AFG2A: variants seen among roughly 807,000 people sequenced by gnomAD.
AFG2A encodes the protein AAA ATPase AFG2A, also known as ATPase family gene 2 protein homolog A.
the AFG2A span, among the ~76,000 whole-genome samples, chr4:122,993,904 T>G: frequency 6.6e-6 from 1 of 152,076 alleles, no homozygotes; most frequent in Non-Finnish European, 1.5e-5. Context: ...GCCATTACTT[T>G]TAATGGATTT....
At chr4:123,029,679 C>T in the AFG2A span, among the ~76,000 whole-genome samples, 4 of 152,220 alleles carry the variant, frequency 2.6e-5, no homozygotes, top group South Asian at 8.3e-4. Context: ...ACTCTGTGGC[C>T]TAGGCTGAAG....
chr4:123,176,129 A>G, the AFG2A span, among the ~76,000 whole-genome samples: 75,883 of 152,016 alleles, frequency 0.5, 23,420 homozygotes, highest in Non-Finnish European at 0.67. Flanking sequence ...TAATGGTGTA[A>G]TTGGTAAAGA....
At chr4:122,961,828 G>T in the AFG2A span, among the ~76,000 whole-genome samples, 2 of 152,134 alleles carry the variant, frequency 1.3e-5, no homozygotes. Flanking sequence ...CTGAACTTTG[G>T]GTCATCCCAG....
chr4:123,105,929 ACAG>A, the AFG2A span, among the ~76,000 whole-genome samples: 2 of 152,252 alleles, frequency 1.3e-5, no homozygotes, highest in African/African-American at 4.8e-5. Flanking sequence ...AGTTGTTAAA[ACAG>A]CAGGGTTTGA....
At chr4:123,082,138 G>T in the AFG2A span, among the ~76,000 whole-genome samples, 5 of 151,992 alleles carry the variant, frequency 3.3e-5, no homozygotes, top group African/African-American at 1.2e-4. Flanking sequence ...TTTTAATAAT[G>T]GCCAGCTTAT....
At chr4:122,956,527 AGT>A in the AFG2A span, among the ~76,000 whole-genome samples, 3 of 4,022 alleles carry the variant, frequency 7.5e-4, no homozygotes, top group Non-Finnish European at 1.1e-3. Context: ...CAGTTGATAA[AGT>A]AAGGAGAGCA....
chr4:123,084,918 A>ACAGGCCGG, the AFG2A span, among the ~76,000 whole-genome samples: 1 of 152,100 alleles, frequency 6.6e-6, no homozygotes, highest in Non-Finnish European at 1.5e-5. Context: ...GGCGTGAGCT[A>ACAGGCCGG]CTGCACCCGG....
the AFG2A span, among the ~76,000 whole-genome samples, chr4:123,311,601 T>TC: frequency 7.7e-6 from 1 of 130,030 alleles, no homozygotes; most frequent in Non-Finnish European, 1.5e-5. Flanking sequence ...CACTCCAGCC[T>TC]GGTGACAGAA....
chr4:122,983,461 T>C, the AFG2A span, among the ~76,000 whole-genome samples: 2 of 152,210 alleles, frequency 1.3e-5, no homozygotes, highest in Non-Finnish European at 2.9e-5. Flanking sequence ...ACTTTCCTCA[T>C]AGAACTACTT....
chr4:122,953,164 T>C, the AFG2A span, among the ~76,000 whole-genome samples: 1 of 152,186 alleles, frequency 6.6e-6, no homozygotes, highest in African/African-American at 2.4e-5. Flanking sequence ...CCATTTCGCA[T>C]TCCCCTTGGT....
At chr4:123,013,406 C>A in the AFG2A span, among the ~76,000 whole-genome samples, 1 of 152,316 alleles carries the variant, frequency 6.6e-6, no homozygotes, top group East Asian at 1.9e-4. Flanking sequence ...TACTAACTCT[C>A]CAACTTTTTT....
chr4:123,174,281 C>T, the AFG2A span, among the ~76,000 whole-genome samples: 1 of 152,070 alleles, frequency 6.6e-6, no homozygotes, highest in African/African-American at 2.4e-5. Context: ...ATTATAATAG[C>T]TTTATGGAAC....
chr4:123,071,573 G>A, the AFG2A span, among the ~76,000 whole-genome samples: 1 of 152,086 alleles, frequency 6.6e-6, no homozygotes, highest in Admixed American at 6.5e-5. Context: ...CTGTGTTAGT[G>A]TGGAATTTTT....
chr4:123,075,129 A>G, the AFG2A span, among the ~76,000 whole-genome samples: 1 of 151,676 alleles, frequency 6.6e-6, no homozygotes, highest in Non-Finnish European at 1.5e-5. Context: ...TTTTTTCAGT[A>G]GAGACGGGGT....
At chr4:122,927,512 CA>C in the AFG2A span, 2 of 945,830 alleles carry the variant, frequency 2.1e-6, no homozygotes, top group Non-Finnish European at 3.0e-6. Flanking sequence ...CTAGTTTCTC[CA>C]GGGTATGGTA....
the AFG2A span, among the ~76,000 whole-genome samples, chr4:122,956,284 G>A: frequency 6.6e-6 from 1 of 152,180 alleles, no homozygotes; most frequent in African/African-American, 2.4e-5. Context: ...CAGTGAGAAA[G>A]TGAGAAAAGG....
the AFG2A span, among the ~76,000 whole-genome samples, chr4:123,125,384 A>G: frequency 0.91 from 138,177 of 152,240 alleles, 62,952 homozygotes; most frequent in East Asian, 0.98. Flanking sequence ...ACAAGACATA[A>G]CTTGGCTCTA....
the AFG2A span, among the ~76,000 whole-genome samples, chr4:123,084,727 C>T: frequency 2.0e-5 from 3 of 151,982 alleles, no homozygotes; most frequent in East Asian, 1.9e-4. Flanking sequence ...CTCCCTGGCT[C>T]GAGTGATCCT....
At chr4:123,130,476 A>G in the AFG2A span, among the ~76,000 whole-genome samples, 2 of 152,326 alleles carry the variant, frequency 1.3e-5, no homozygotes, top group Admixed American at 6.5e-5. Context: ...TCTGTCCTGT[A>G]GTTTTGCCCA....
Sources: gnomAD v4.1 joint callset for allele counts (sites outside exome capture counted in the v4.1 genomes callset) on GRCh38, gnomAD v4.1.1 for gene constraint, MANE v1.5 for transcripts, NCBI Gene and HGNC (gene_info 2026-07-23, HGNC 2026-07-21) for gene names.